The following ARL15 variants were observed in gnomAD, a reference collection of about 807,000 sequenced individuals.
The protein encoded by ARL15 is ADP-ribosylation factor-like protein 15.
A neutral mutation model predicts 25.2 loss-of-function variants in ARL15; 19 were observed. The ratio of observed to expected loss-of-function variants is 0.75; its 90% CI spans 0.53 to 1.10. ARL15 has a LOEUF of 1.10. Ranked by LOEUF, ARL15 falls within the 50% of genes least tolerant of loss-of-function variation. The pLI is 0.00. For missense variants in ARL15, 220 were observed against 246.0 expected (o/e 0.89, Z 0.71); for synonymous variants, 94 against 86.8 (o/e 1.08, Z -0.46).
intron 1 of ARL15, among the ~76,000 whole-genome samples, chr5:54,234,159 C>A (rs1756741717): frequency 6.6e-6 from 1 of 152,010 alleles, no homozygotes; most frequent in Non-Finnish European, 1.5e-5. Flanking sequence ...CCAAGCCCGG[C>A]TAATTTTTTT....
chr5:54,000,609 G>A (rs564283089), intron 4 of ARL15, among the ~76,000 whole-genome samples: 4 of 152,102 alleles, frequency 2.6e-5, no homozygotes, highest in African/African-American at 9.6e-5. Flanking sequence ...CTGTCTCTGC[G>A]GTACATATAG....
intron 4 of ARL15, among the ~76,000 whole-genome samples, chr5:54,105,806 C>A (rs1173464298): frequency 6.6e-6 from 1 of 152,162 alleles, no homozygotes; most frequent in African/African-American, 2.4e-5. Context: ...TGGTCTCGAA[C>A]TCCTGACCTC....
chr5:54,221,553 G>A (rs958596495), intron 1 of ARL15, among the ~76,000 whole-genome samples: 1 of 152,020 alleles, frequency 6.6e-6, no homozygotes, highest in South Asian at 2.1e-4. Context: ...AAGATGGGGT[G>A]TGTATACACA....
chr5:54,274,229 A>G (rs200912310), intron 1 of ARL15, among the ~76,000 whole-genome samples: 3 of 152,108 alleles, frequency 2.0e-5, no homozygotes, highest in Admixed American at 6.5e-5. Context: ...GCTGGGTCAG[A>G]CTCAACCAGA....
chr5:54,185,147 A>G (rs535372211), intron 1 of ARL15, among the ~76,000 whole-genome samples: 1 of 152,072 alleles, frequency 6.6e-6, no homozygotes, highest in Non-Finnish European at 1.5e-5. Context: ...AATAATATTA[A>G]TTATTATTTT....
At chr5:53,969,632 T>C (rs775492698) in intron 4 of ARL15, among the ~76,000 whole-genome samples, 1 of 152,202 alleles carries the variant, frequency 6.6e-6, no homozygotes, top group Non-Finnish European at 1.5e-5. Context: ...ATCTTTTCGA[T>C]GCTTAATATT....
At chr5:53,895,385 C>T (rs1744839507) in intron 4 of ARL15, among the ~76,000 whole-genome samples, 1 of 152,188 alleles carries the variant, frequency 6.6e-6, no homozygotes, top group African/African-American at 2.4e-5. Context: ...TTTATTTCCT[C>T]TCTGTGTTTA....
chr5:54,047,344 A>G (rs1750552753), intron 4 of ARL15, among the ~76,000 whole-genome samples: 1 of 152,092 alleles, frequency 6.6e-6, no homozygotes, highest in African/African-American at 2.4e-5. Context: ...AAACCAACTA[A>G]TCAATAGCTT....
intron 1 of ARL15, among the ~76,000 whole-genome samples, chr5:54,266,150 A>G (rs1383500608): frequency 1.3e-5 from 2 of 152,256 alleles, no homozygotes; most frequent in African/African-American, 2.4e-5. Context: ...TTTGAGCCTA[A>G]GCACCTTCAC....
chr5:54,208,389 T>C lies in ARL15; in HGVS notation c.49-36461A>G, dbSNP rs182360157. Among the ~76,000 whole-genome samples the C allele has an allele frequency of 1.3e-3, 191 of 152,092 alleles. 2 individuals carry two copies. Among genetic ancestry groups the C allele is most frequent in the Admixed American group, 7.3e-3 (111 of 15,266 alleles). On this transcript the variant is annotated intron_variant, in intron 1 of 4. Transcript: ENST00000504924. ...CAATGAGATGAAAATCTAATACATA[T>C]ATACATGCACATGCGCACACACACA...
intron 4 of ARL15, among the ~76,000 whole-genome samples, chr5:53,892,093 C>T (rs1372086094): frequency 6.6e-6 from 1 of 152,164 alleles, no homozygotes; most frequent in East Asian, 1.9e-4. Context: ...AGCACTTGGA[C>T]TTACTTCCAC....
At chr5:54,046,881 G>A (rs747932646) in intron 4 of ARL15, among the ~76,000 whole-genome samples, 1 of 152,158 alleles carries the variant, frequency 6.6e-6, no homozygotes, top group Non-Finnish European at 1.5e-5. Flanking sequence ...AGCATGGTAC[G>A]GCAGGCCAGG....
chr5:54,065,328 A>G (rs936631379), intron 4 of ARL15, among the ~76,000 whole-genome samples: 2 of 152,216 alleles, frequency 1.3e-5, no homozygotes, highest in African/African-American at 4.8e-5. Flanking sequence ...AATAGCCACT[A>G]GCTACATCAG....
chr5:53,993,783 G>C (rs973166849), intron 4 of ARL15, among the ~76,000 whole-genome samples: 8 of 152,148 alleles, frequency 5.3e-5, no homozygotes, highest in African/African-American at 1.7e-4. Context: ...GTCAGGTCCT[G>C]GCTGAATCTG....
chr5:53,899,371 A>C (rs1208773722), intron 4 of ARL15, among the ~76,000 whole-genome samples: 2 of 89,424 alleles, frequency 2.2e-5, no homozygotes, highest in Non-Finnish European at 3.0e-5. Context: ...AAAAAAAAAA[A>C]AAAAAAAAAA....
intron 4 of ARL15, among the ~76,000 whole-genome samples, chr5:53,992,377 C>T (rs1051247352): frequency 2.6e-5 from 4 of 152,166 alleles, no homozygotes; most frequent in Non-Finnish European, 5.9e-5. Flanking sequence ...AATACCTGCT[C>T]AGTATACATA....
At chr5:54,232,253 T>G (rs1329753306) in intron 1 of ARL15, among the ~76,000 whole-genome samples, 4 of 152,214 alleles carry the variant, frequency 2.6e-5, no homozygotes, top group African/African-American at 4.8e-5. Context: ...TATCCTTTAC[T>G]AGATTCTTGG....
At chr5:54,296,094 C>T (rs1758459678) in intron 1 of ARL15, among the ~76,000 whole-genome samples, 1 of 152,188 alleles carries the variant, frequency 6.6e-6, no homozygotes, top group African/African-American at 2.4e-5. Flanking sequence ...GGACCTTTCA[C>T]CCTGTGAATC....
At chr5:54,074,299 A>C (rs1453246229) in intron 4 of ARL15, among the ~76,000 whole-genome samples, 1 of 152,210 alleles carries the variant, frequency 6.6e-6, no homozygotes. Flanking sequence ...TGTGGCTGTG[A>C]GAACTAAATG....
Sources: allele counts gnomAD v4.1 joint callset (sites outside exome capture counted in the v4.1 genomes callset), GRCh38; gene constraint gnomAD v4.1.1; transcripts MANE v1.5; gene names NCBI Gene and HGNC (gene_info 2026-07-23, HGNC 2026-07-21).